TAFA5: variants seen among roughly 807,000 people sequenced by gnomAD.
TAFA5 encodes chemokine-like protein TAFA-5.
In TAFA5, 6 loss-of-function variants were observed where a neutral mutation model predicts 15.3. The ratio of observed to expected loss-of-function variants is 0.39; its 90% confidence interval spans 0.21 to 0.77. The LOEUF is 0.77. Ranked by LOEUF, TAFA5 falls within the 30% of genes least tolerant of loss-of-function variation. The pLI is 0.41. For missense variants in TAFA5, 161 were observed against 193.1 expected (o/e 0.83, Z 0.98); for synonymous variants, 103 against 80.7 (o/e 1.28, Z -1.48).
chr22:48,681,423 G>T (rs11913705), intron 2 of TAFA5, among the ~76,000 whole-genome samples: 3,684 of 151,220 alleles, frequency 0.024, 161 homozygotes, highest in African/African-American at 0.086. Flanking sequence ...CGGGTGGATT[G>T]CCTGAGCTCA....
At chr22:48,721,038 C>T (rs528580722) in intron 3 of TAFA5, among the ~76,000 whole-genome samples, 2 of 152,350 alleles carry the variant, frequency 1.3e-5, no homozygotes, top group Non-Finnish European at 2.9e-5. Context: ...GCCACTGTCC[C>T]CTGCTGGGCC....
intron 1 of TAFA5, among the ~76,000 whole-genome samples, chr22:48,527,555 T>C (rs1437788102): frequency 6.6e-6 from 1 of 152,194 alleles, no homozygotes; most frequent in Non-Finnish European, 1.5e-5. Flanking sequence ...TGCACAGTCC[T>C]TGGGGCACAG....
intron 2 of TAFA5, among the ~76,000 whole-genome samples, chr22:48,699,944 C>A (rs1285907646): frequency 6.6e-6 from 1 of 152,144 alleles, no homozygotes; most frequent in Non-Finnish European, 1.5e-5. Flanking sequence ...TGAGCTCCTG[C>A]CTCTTCTTCC....
At chr22:48,703,543 A>T (rs893061581) in intron 2 of TAFA5, among the ~76,000 whole-genome samples, 1 of 152,180 alleles carries the variant, frequency 6.6e-6, no homozygotes, top group African/African-American at 2.4e-5. Context: ...GGTGGCTTGC[A>T]TCCTAGCCTG....
chr22:48,520,100 G>A (rs1921550555), intron 1 of TAFA5, among the ~76,000 whole-genome samples: 1 of 152,228 alleles, frequency 6.6e-6, no homozygotes, highest in South Asian at 2.1e-4. Context: ...GGGGGTGACG[G>A]GCCTGCTAGC....
At chr22:48,557,567 C>A (rs1923084192) in intron 1 of TAFA5, among the ~76,000 whole-genome samples, 1 of 152,216 alleles carries the variant, frequency 6.6e-6, no homozygotes, top group Non-Finnish European at 1.5e-5. Context: ...CGGCTCCTTG[C>A]AGGAGGCTGA....
chr22:48,523,206 C>G (rs1457613724), intron 1 of TAFA5, among the ~76,000 whole-genome samples: 1 of 152,244 alleles, frequency 6.6e-6, no homozygotes, highest in Non-Finnish European at 1.5e-5. Context: ...TGGAGGCGGG[C>G]TCGGCTTGGT....
At chr22:48,512,553 A>G (rs1316957920) in intron 1 of TAFA5, among the ~76,000 whole-genome samples, 5 of 151,932 alleles carry the variant, frequency 3.3e-5, no homozygotes, top group Non-Finnish European at 4.4e-5. Flanking sequence ...GGTTGCAGTG[A>G]GCTGAGATCA....
At chr22:48,555,071 G>A (rs1490495802) in intron 1 of TAFA5, among the ~76,000 whole-genome samples, 4 of 152,214 alleles carry the variant, frequency 2.6e-5, no homozygotes, top group Non-Finnish European at 5.9e-5. Context: ...GAGGTCAGAC[G>A]ACTCCCACTG....
rs74731317 is a variant in TAFA5, at chr22:48,737,556, C to G, written c.391-12283C>G. Among the ~76,000 whole-genome samples, 882 of 152,350 alleles carry G rather than the reference C, an allele frequency of 5.8e-3. 15 individuals are homozygous for G. Among genetic ancestry groups the G allele is most frequent in the African/African-American group, 0.02 (842 of 41,584 alleles). On this transcript the variant is annotated intron_variant, in intron 3 of 3. Coordinates refer to ENST00000402357, the MANE Select transcript of TAFA5 (RefSeq NM_001082967.3). ...TGGGGCTGGGAGAGGGCACCGCACA[C>G]TGTGCTGGGTGAGCCTGGGCACAGG...
intron 1 of TAFA5, among the ~76,000 whole-genome samples, chr22:48,531,643 A>G (rs1329852690): frequency 1.3e-5 from 2 of 151,786 alleles, no homozygotes; most frequent in Non-Finnish European, 2.9e-5. Flanking sequence ...CCTCGCCTGC[A>G]GGAGAAATGC....
intron 1 of TAFA5, among the ~76,000 whole-genome samples, chr22:48,595,247 A>G (rs967203731): frequency 1.3e-5 from 2 of 152,158 alleles, no homozygotes; most frequent in Non-Finnish European, 2.9e-5. Flanking sequence ...GGGAGGAGGC[A>G]CCACCACCAC....
intron 2 of TAFA5, among the ~76,000 whole-genome samples, chr22:48,665,666 A>C (rs926687003): frequency 5.3e-5 from 8 of 152,212 alleles, no homozygotes; most frequent in African/African-American, 1.9e-4. Context: ...TAATGGTTTT[A>C]TGTAAAGTTC....
chr22:48,662,704 A>G (rs933849175), intron 2 of TAFA5, among the ~76,000 whole-genome samples: 8 of 152,208 alleles, frequency 5.3e-5, no homozygotes, highest in Non-Finnish European at 1.2e-4. Flanking sequence ...GGCTGGGAGC[A>G]GGTCAGACTG....
At chr22:48,749,413 C>T (rs763948770) in intron 3 of TAFA5, among the ~76,000 whole-genome samples, 6 of 152,172 alleles carry the variant, frequency 3.9e-5, no homozygotes, top group Admixed American at 3.3e-4. Flanking sequence ...CAGCCTGCAG[C>T]GACCATTCTG....
intron 3 of TAFA5, among the ~76,000 whole-genome samples, chr22:48,725,740 A>G (rs1051113862): frequency 1.5e-4 from 22 of 150,462 alleles, no homozygotes; most frequent in African/African-American, 5.4e-4. Flanking sequence ...AAAAAAAAAA[A>G]GCAAGGAAAT....
intron 1 of TAFA5, among the ~76,000 whole-genome samples, chr22:48,520,264 G>A (rs140737682): frequency 6.6e-6 from 1 of 152,248 alleles, no homozygotes; most frequent in Non-Finnish European, 1.5e-5. Flanking sequence ...CGGGTTTGTG[G>A]GATTTTGTTA....
chr22:48,732,983 G>A (rs1418823736), intron 3 of TAFA5, among the ~76,000 whole-genome samples: 1 of 152,160 alleles, frequency 6.6e-6, no homozygotes, highest in African/African-American at 2.4e-5. Context: ...TAGACATGAT[G>A]TGTTTGCACA....
intron 1 of TAFA5, among the ~76,000 whole-genome samples, chr22:48,519,258 T>G (rs1207903618): frequency 6.6e-6 from 1 of 152,280 alleles, no homozygotes; most frequent in African/African-American, 2.4e-5. Flanking sequence ...TAAATTTCAT[T>G]ACATATTTGT....
Sources: allele counts gnomAD v4.1 joint callset (sites outside exome capture counted in the v4.1 genomes callset), GRCh38; gene constraint gnomAD v4.1.1; transcripts MANE v1.5; gene names NCBI Gene and HGNC (gene_info 2026-07-23, HGNC 2026-07-21).